The following MAMSTR variants were observed in gnomAD, a reference collection of about 807,000 sequenced individuals.
MAMSTR encodes the protein MEF2 activating motif and SAP domain containing transcriptional regulator.
A neutral mutation model predicts 42.7 loss-of-function variants in MAMSTR; 41 were observed. That is an observed-to-expected ratio of 0.96 (90% confidence interval 0.75 to 1.25). The LOEUF is 1.25. MAMSTR is among the 50% of genes most tolerant of loss of function. The pLI is 0.00. For missense variants in MAMSTR, 567 were observed against 557.6 expected (o/e 1.02, Z -0.17); for synonymous variants, 265 against 244.1 (o/e 1.09, Z -0.80).
chr19:48,715,261 C>T lies in MAMSTR; in HGVS notation c.425+1G>A, dbSNP rs570596581. ...CGGGAGAACAGAAGTGGGTGTCATA[C>T]CTAGGATGTGGCTGCTGCGAGTCTG... On this transcript the variant is annotated splice_donor_variant, in intron 5 of 9. Transcript: ENST00000318083. LOFTEE classifies it high-confidence loss of function. 6.3e-7 allele frequency: 1 copy of T among 1,583,530 alleles called. No individual in the cohort carries two copies. The highest frequency in any genetic ancestry group is 1.3e-5 in the African/African-American group (1 of 74,704).
downstream of MAMSTR, among the ~76,000 whole-genome samples, chr19:48,712,172 C>T (rs546598679): frequency 1.3e-5 from 2 of 152,196 alleles, no homozygotes; most frequent in South Asian, 4.1e-4. Flanking sequence ...GGATTACAGG[C>T]GTTTGCCACT....
intron 2 of MAMSTR, among the ~76,000 whole-genome samples, chr19:48,718,377 CTTCTTT>C (rs1439135030): frequency 1.4e-5 from 2 of 143,674 alleles, no homozygotes; most frequent in African/African-American, 5.3e-5. Context: ...CACTTGCACA[CTTCTTT>C]TTTTTTTTTT....
Position 48,715,672 on chromosome 19 carries a change from G to A in MAMSTR, c.193C>T (p.Leu65=). 6.5e-7 allele frequency: 1 copy of A among 1,543,602 alleles called. No homozygotes were observed. The highest frequency in any genetic ancestry group is 1.7e-4 in the Middle Eastern group (1 of 5,908). Residue 65 remains leucine (L), a synonymous_variant, in exon 4 of 10, where the codon CTG becomes TTG. Coordinates refer to ENST00000318083, the MANE Select transcript of MAMSTR (RefSeq NM_001130915.2). ...GGACAATATTCTGGCTCGGGGAGCAGGACCCCAGGGCTGAAGAGGAAAGGG... is the reference window on the plus strand; with the variant it reads ...GGACAATATTCTGGCTCGGGGAGCAAGACCCCAGGGCTGAAGAGGAAAGGG... ...TAPFLFSPGV[L]LPEPEYCPPW... is the part of the protein sequence containing the mutation.
Position 48,715,298 on chromosome 19 carries a change from A to G in MAMSTR, c.389T>C (p.Leu130Pro). 1 of 1,596,378 alleles carries G rather than the reference A, an allele frequency of 6.3e-7. No individual in the cohort carries two copies. The highest frequency in any genetic ancestry group is 1.1e-5 in the South Asian group (1 of 87,724). ...CTGCTGCGAGTCTGTCCCTTCCCACAGAGATGGCCCAGGAGGACCCAGGGC... is the reference window on the plus strand; with the variant it reads ...CTGCTGCGAGTCTGTCCCTTCCCACGGAGATGGCCCAGGAGGACCCAGGGC... ...GSALGPPGPSLWEGTDSQQPH... is the reference protein window; with the variant it reads ...GSALGPPGPSPWEGTDSQQPH... The change falls in exon 5 of 10, where the codon CTG becomes CCG. Residue 130 changes from leucine to proline, a missense_variant. Leu to Pro is a moderately conservative substitution (Grantham distance 98). Coordinates refer to ENST00000318083, the MANE Select transcript of MAMSTR (RefSeq NM_001130915.2).
rs1245664305 is a variant in MAMSTR at position 48,713,853 on chromosome 19, C to G, written c.909+7G>C. On this transcript the variant is annotated splice_region_variant and intron_variant, in intron 8 of 9. Transcript: ENST00000318083. ...ACCCTAGCCGGATTCAACCCACACC[C>G]TCTTACCTGCGCCCTCCGGATCGCT... 2.5e-6 allele frequency: 4 copies of G among 1,613,776 alleles called. No individual in the cohort carries two copies. In the Admixed American group the frequency reaches 5.0e-5, roughly 20 times the overall value.
At position 48,719,007 on chromosome 19, in the gene MAMSTR, G is replaced by C. The variant is rs555431100; in HGVS notation, c.25C>G (p.Arg9Gly). MTLAASSQ[R>G]SQIIRSKFRS... ...AACTTGGAGCGAATGATTTGGGAACGCTGGGAGGAAGCCGCCAGGGTCATT... is the reference window on the plus strand; with the variant it reads ...AACTTGGAGCGAATGATTTGGGAACCCTGGGAGGAAGCCGCCAGGGTCATT... The change falls in exon 2 of 10, where the codon CGT (arginine) becomes GGT (glycine). Residue 9 changes from arginine to glycine, a missense_variant. Transcript: ENST00000318083. The surrounding 1 kb of genome is among the most constrained non-coding windows in gnomAD (Gnocchi z 4.4). 2.0e-5 allele frequency: 31 copies of C among 1,549,968 alleles called. No individual in the cohort carries two copies. The highest frequency in any genetic ancestry group is 2.3e-5 in the Non-Finnish European group (26 of 1,146,042).
intron 7 of MAMSTR, 149 bp from the exon 8 acceptor site, chr19:48,714,194 C>T (rs1455800996): frequency 9.5e-7 from 1 of 1,055,474 alleles, no homozygotes; most frequent in Non-Finnish European, 1.3e-6. Flanking sequence ...TTCATTGGCT[C>T]CTCTTCTCTA....
chr19:48,715,595 G>A, intron 4 of MAMSTR, 30 bp downstream of exon 4: 1 of 1,516,428 alleles, frequency 6.6e-7, no homozygotes, highest in Non-Finnish European at 8.8e-7. Flanking sequence ...TAGGCTCTCA[G>A]AGGGACCTCT....
Position 48,714,908 on chromosome 19 carries a change from C to G in MAMSTR, c.426G>C (p.Arg142Ser). 14 of 1,592,598 alleles carry G rather than the reference C, an allele frequency of 8.8e-6. No individual in the cohort carries two copies. The highest frequency in any genetic ancestry group is 1.1e-5 in the Non-Finnish European group (13 of 1,164,302). ...AGGGAGTGAGGGGAGAGGGCTTCAT[C>G]CTGGTGATAATCGTGAGGGGCGAAC... The part of the protein sequence containing the change: ...EGTDSQQPHP[R>S]MKPSPLTPCP... Residue 142 changes from arginine to serine, a missense_variant and splice_region_variant, in exon 6 of 10, where the codon AGG (arginine) becomes AGC (serine). Arg to Ser is a moderately radical substitution (Grantham distance 110). Coordinates refer to ENST00000318083, the MANE Select transcript of MAMSTR (RefSeq NM_001130915.2).
chr19:48,718,759 A>G (rs2033145545), intron 2 of MAMSTR, among the ~76,000 whole-genome samples: 1 of 151,760 alleles, frequency 6.6e-6, no homozygotes, highest in East Asian at 1.9e-4. Context: ...CCTGGCCTCC[A>G]ATCCCCATTG....
downstream of MAMSTR, among the ~76,000 whole-genome samples, chr19:48,708,180 G>A (rs961316979): frequency 3.4e-5 from 5 of 147,138 alleles, no homozygotes; most frequent in Non-Finnish European, 7.4e-5. Flanking sequence ...GTTGCGGTGA[G>A]CCGAGATCAT....
intron 2 of MAMSTR, among the ~76,000 whole-genome samples, chr19:48,717,386 C>T (rs2033085230): frequency 6.6e-6 from 1 of 151,718 alleles, no homozygotes; most frequent in South Asian, 2.1e-4. Flanking sequence ...GTGATCATAG[C>T]TCACTGCAGC....
At chr19:48,712,423 C>CTT (rs373119847), downstream of MAMSTR, among the ~76,000 whole-genome samples, 30 of 146,712 alleles carry the variant, frequency 2.0e-4, 1 homozygote, top group African/African-American at 5.0e-4. Flanking sequence ...TTTTCTCTCT[C>CTT]TCTTTTTTTT....
intron 2 of MAMSTR, among the ~76,000 whole-genome samples, chr19:48,717,901 C>T (rs1038847225): frequency 6.6e-6 from 1 of 152,154 alleles, no homozygotes; most frequent in Non-Finnish European, 1.5e-5. Flanking sequence ...GATGGGGTTT[C>T]ACCGTGTTGC....
chr19:48,718,835 G>T, intron 2 of MAMSTR, 139 bp downstream of exon 2: 2 of 812,448 alleles, frequency 2.5e-6, no homozygotes, highest in East Asian at 2.7e-5. Flanking sequence ...GGACCCCTGT[G>T]CTTGGGCCTC....
chr19:48,710,575 C>T (rs943110958), downstream of MAMSTR, among the ~76,000 whole-genome samples: 2 of 149,430 alleles, frequency 1.3e-5, no homozygotes, highest in Admixed American at 6.8e-5. Flanking sequence ...GTATGAACCA[C>T]GGTGTTTGGC....
At chr19:48,715,880 A>G in intron 3 of MAMSTR, 113 bp from the exon 4 acceptor site, 2 of 1,460,190 alleles carry the variant, frequency 1.4e-6, no homozygotes, top group African/African-American at 1.5e-5. Flanking sequence ...GCCAGGGAGC[A>G]AGACTTGATT....
At chr19:48,706,156 G>A in the MAMSTR span, among the ~76,000 whole-genome samples, 1 of 150,920 alleles carries the variant, frequency 6.6e-6, no homozygotes, top group Admixed American at 6.6e-5. Context: ...GGGTGGTGGT[G>A]CAGACCTGTA....
downstream of MAMSTR, among the ~76,000 whole-genome samples, chr19:48,711,279 G>T (rs149303848): frequency 6.6e-6 from 1 of 152,286 alleles, no homozygotes; most frequent in Non-Finnish European, 1.5e-5. Context: ...TATCCCGGGG[G>T]AGAGGCCACA....
Sources: gnomAD v4.1 joint callset for allele counts (sites outside exome capture counted in the v4.1 genomes callset) on GRCh38, gnomAD v4.1.1 for gene constraint, Gnocchi (gnomAD v3.1) non-coding constraint, MANE v1.5 for transcripts, NCBI Gene and HGNC (gene_info 2026-07-23, HGNC 2026-07-21) for gene names.